FAT1: variants seen among roughly 807,000 people sequenced by gnomAD.
FAT1 encodes FAT atypical cadherin 1, also known as protocadherin Fat 1.
Under a neutral mutation model 329.8 loss-of-function variants are expected in FAT1, and 171 were observed. That is an observed-to-expected ratio of 0.52 (90% CI 0.46 to 0.59). The LOEUF is 0.59. FAT1 is among the 20% of genes least tolerant of loss of function. The pLI, the probability that FAT1 is intolerant of heterozygous loss-of-function variation, is 0.00. For synonymous variants in FAT1, 2,233 were observed against 2,228.6 expected, an observed-to-expected ratio of 1.00 and a Z score of -0.06; for missense variants, 5,672 against 5,774.4, an observed-to-expected ratio of 0.98 and a Z score of 0.57.
rs201107417 is a variant in FAT1, at chr4:186,620,129, T to C, written c.6457A>G (p.Thr2153Ala). The part of the protein sequence containing the change: ...LDTLNKEYLV[T>A]VVAKDGGNPA... ...TTCCCTCCATCTTTTGCAACCACTG[T>C]AACAAGATATTCTTTATTTAAGGTG... Residue 2153 changes from threonine (T) to alanine (A), a missense_variant, in exon 10 of 27, where the codon ACA (threonine) becomes GCA (alanine). Thr to Ala is a moderately conservative substitution (Grantham distance 58, BLOSUM62 0). Transcript: ENST00000441802. 1.4e-5 allele frequency: 22 copies of C among 1,614,030 alleles called. No homozygotes were observed. Among genetic ancestry groups the C allele is most frequent in the Non-Finnish European group, 8.5e-7 (1 of 1,179,898 alleles).
intron 2 of FAT1, among the ~76,000 whole-genome samples, chr4:186,693,117 T>C (rs930945917): frequency 3.3e-5 from 5 of 152,242 alleles, no homozygotes; most frequent in Non-Finnish European, 7.3e-5. Flanking sequence ...GAAGATATAC[T>C]GTAATGCCAT....
At chr4:186,662,246 T>C (rs1742210305) in intron 3 of FAT1, among the ~76,000 whole-genome samples, 1 of 152,098 alleles carries the variant, frequency 6.6e-6, no homozygotes, top group Non-Finnish European at 1.5e-5. Flanking sequence ...AATTCTTATA[T>C]ACCTCTGACT....
At chr4:186,692,632 G>A (rs746405889) in intron 2 of FAT1, among the ~76,000 whole-genome samples, 34 of 152,302 alleles carry the variant, frequency 2.2e-4, no homozygotes, top group Admixed American at 2.6e-4. Context: ...AACTTAAGCA[G>A]AGATGTCAGA....
chr4:186,649,918 A>C (rs1294892557), intron 3 of FAT1, among the ~76,000 whole-genome samples: 3 of 152,222 alleles, frequency 2.0e-5, no homozygotes, highest in African/African-American at 7.2e-5. Flanking sequence ...TAGCAAATGA[A>C]AGTACTGAAA....
Position 186,603,464 on chromosome 4 carries a change from G to A in FAT1, c.11062C>T (p.Pro3688Ser), listed in dbSNP as rs1475677918. Residue 3688 changes from proline to serine, a missense_variant, in exon 19 of 27, where the codon CCT (proline) becomes TCT (serine). Pro to Ser is a moderately conservative substitution (Grantham distance 74). Around this residue, in one of 2 missense-constraint regions of FAT1, gnomAD observed 1,706 missense variants for 1,859.1 expected, o/e 0.92. Transcript: ENST00000441802. ...AGTAAGACGTCCAGATGTGGGTGAG[G>A]TTCAGAGGACTGCAAACTAACAATC... Reference protein sequence around the residue: ...IQIVSLQSSEPHPHLDVLLFV... With the variant: ...IQIVSLQSSESHPHLDVLLFV... The A allele has an allele frequency of 1.2e-6, 2 of 1,613,848 alleles. No individual in the cohort carries two copies. Among genetic ancestry groups the A allele is most frequent in the Non-Finnish European group, 8.5e-7 (1 of 1,179,896 alleles).
intron 26 of FAT1, among the ~76,000 whole-genome samples, chr4:186,591,898 G>A (rs1200454436): frequency 6.6e-6 from 1 of 152,106 alleles, no homozygotes; most frequent in African/African-American, 2.4e-5. Flanking sequence ...CTGTGTACTC[G>A]ATGGCCTCTG....
At chr4:186,591,364 TAA>T (rs1480862248) in intron 26 of FAT1, among the ~76,000 whole-genome samples, 2 of 152,242 alleles carry the variant, frequency 1.3e-5, no homozygotes, top group South Asian at 4.1e-4. Flanking sequence ...TCAGTAATTT[TAA>T]AAGACTGTGG....
intron 1 of FAT1, among the ~76,000 whole-genome samples, chr4:186,712,792 A>G (rs1329112425): frequency 9.6e-6 from 1 of 103,674 alleles, no homozygotes; most frequent in Non-Finnish European, 1.9e-5. Flanking sequence ...CCCCCTCATC[A>G]CCCAGCTGTG....
intron 2 of FAT1, 80 bp from the exon 3 acceptor site, chr4:186,663,693 C>G: frequency 8.9e-7 from 1 of 1,125,854 alleles, no homozygotes; most frequent in Non-Finnish European, 1.2e-6. Context: ...ACAACTACGG[C>G]TTACTGAGAG....
intron 2 of FAT1, among the ~76,000 whole-genome samples, chr4:186,688,096 CT>C (rs1417347008): frequency 7.5e-6 from 1 of 133,420 alleles, no homozygotes; most frequent in East Asian, 2.3e-4. Context: ...TGTCCAAATG[CT>C]ATGGAGACTC....
chr4:186,682,011 T>C (rs1013728178), intron 2 of FAT1, among the ~76,000 whole-genome samples: 1 of 152,158 alleles, frequency 6.6e-6, no homozygotes, highest in Admixed American at 6.5e-5. Flanking sequence ...CTAGAAGATA[T>C]CATGATTACC....
chr4:186,693,308 C>T (rs1173890499), intron 2 of FAT1, among the ~76,000 whole-genome samples: 1 of 152,178 alleles, frequency 6.6e-6, no homozygotes, highest in Non-Finnish European at 1.5e-5. Flanking sequence ...GAAGTAGGAA[C>T]ATGAACACAG....
Position 186,621,591 on chromosome 4 carries a change from C to T in FAT1, c.4995G>A (p.Pro1665=), listed in dbSNP as rs764593119. 32 of 1,613,966 alleles carry T rather than the reference C, an allele frequency of 2.0e-5. No homozygotes were observed. Among genetic ancestry groups the T allele is most frequent in the South Asian group, 3.3e-5 (3 of 91,078 alleles). ...IFVTIADNAS[P]KFTSKEYSVE... is the part of the protein sequence containing the mutation. The stretch of plus-strand genomic sequence containing the variant: ...CAGAATATTCTTTTGATGTAAACTT[C>T]GGAGAGGCGTTGTCAGCAATTGTGA... Residue 1665 remains proline, a synonymous_variant, in exon 10 of 27, where the codon CCG becomes CCA. Transcript: ENST00000441802.
chr4:186,603,487 A>G lies in FAT1; in HGVS notation c.11039T>C (p.Ile3680Thr). ...ILGVRRNDIQ[I>T]VSLQSSEPHP... ...AGGTTCAGAGGACTGCAAACTAACA[A>G]TCTGTATGTCGTTCCTCCTCACACC... Residue 3680 changes from isoleucine (I) to threonine (T), a missense_variant, in exon 19 of 27, where the codon ATT becomes ACT. Ile to Thr is a moderately conservative substitution (Grantham distance 89). This residue lies in a region of FAT1 where 1,706 missense variants were observed against 1,859.1 expected (regional missense o/e 0.92). Transcript: ENST00000441802. 1 of 1,613,972 alleles carries G rather than the reference A, an allele frequency of 6.2e-7. No individual in the cohort carries two copies. The highest frequency in any genetic ancestry group is 1.1e-5 in the South Asian group (1 of 91,072).
chr4:186,607,892 T>C (rs1188837374), intron 16 of FAT1, among the ~76,000 whole-genome samples: 1 of 143,986 alleles, frequency 6.9e-6, no homozygotes, highest in Admixed American at 6.9e-5. Flanking sequence ...TCTATCAACA[T>C]CTCCAACGGC....
chr4:186,679,812 T>G (rs150387758), intron 2 of FAT1, among the ~76,000 whole-genome samples: 2 of 152,284 alleles, frequency 1.3e-5, no homozygotes, highest in Non-Finnish European at 2.9e-5. Context: ...ATGAAAGAGG[T>G]GGTGAAGCAA....
chr4:186,664,643 A>T (rs1332453778), intron 2 of FAT1, among the ~76,000 whole-genome samples: 7 of 152,208 alleles, frequency 4.6e-5, no homozygotes, highest in Admixed American at 4.6e-4. Context: ...TCCTCTGGGG[A>T]TAAGAAGTAG....
At position 186,591,536 on chromosome 4, in the gene FAT1, C is replaced by T. The variant is rs565344708; in HGVS notation, c.13139-2316G>A. Among the ~76,000 whole-genome samples, 4 of 152,306 alleles carry T rather than the reference C, an allele frequency of 2.6e-5. No homozygotes were observed. The South Asian group carries it at 8.3e-4, about 32-fold the overall frequency. On this transcript the variant is annotated intron_variant, in intron 26 of 26. Transcript: ENST00000441802. ...AGCTTTCAACTTTAAATTCCATGTG[C>T]ACTTCTTGGATATGCCAAAAAATAT...
intron 7 of FAT1, among the ~76,000 whole-genome samples, chr4:186,631,049 C>G (rs1740559616): frequency 6.6e-6 from 1 of 152,214 alleles, no homozygotes; most frequent in Admixed American, 6.5e-5. Context: ...TCCCACTGTC[C>G]TGCCGCCTAC....
Sources: gnomAD v4.1 joint callset for allele counts (sites outside exome capture counted in the v4.1 genomes callset) on GRCh38, gnomAD v4.1.1 for gene constraint, gnomAD v4.1.1 regional missense constraint, MANE v1.5 for transcripts, NCBI Gene and HGNC (gene_info 2026-07-23, HGNC 2026-07-21) for gene names.